Variants in CHERP observed in about 807,000 individuals in gnomAD.
CHERP encodes ERPROT 213-21.
In CHERP, 8 loss-of-function variants were observed where a neutral mutation model predicts 113.8. The ratio of observed to expected loss-of-function variants is 0.07; its 90% CI spans 0.04 to 0.13. CHERP has a LOEUF of 0.13. Ranked by LOEUF, CHERP falls within the 10% of genes least tolerant of loss-of-function variation. The pLI is 1.00. For synonymous variants in CHERP, 559 were observed against 524.5 expected (o/e 1.07, Z -0.90); for missense variants, 884 against 1,298.2 (o/e 0.68, Z 4.90).
At chr19:16,537,008 T>C (rs2085745470) in intron 2 of CHERP, among the ~76,000 whole-genome samples, 1 of 151,992 alleles carries the variant, frequency 6.6e-6, no homozygotes, top group Non-Finnish European at 1.5e-5. Flanking sequence ...TGAGACTCCA[T>C]CTCAAAAAAT....
At position 16,529,825 on chromosome 19, in the gene CHERP, T is replaced by C; in HGVS notation, c.952A>G (p.Lys318Glu). 3.1e-6 allele frequency: 5 copies of C among 1,613,692 alleles called. No homozygotes were observed. Among genetic ancestry groups the C allele is most frequent in the Non-Finnish European group, 4.2e-6 (5 of 1,179,962 alleles). ...LAFQQQIQTLKTQHEEFVTSL... is the reference protein window; with the variant it reads ...LAFQQQIQTLETQHEEFVTSL... ...GTGACAAACTCCTCGTGCTGCGTCT[T>C]GAGGGTCTGGATCTGCTGCTGGAAG... is the stretch of plus-strand genomic sequence containing the variant. The change falls in exon 8 of 17, where the codon AAG becomes GAG. Residue 318 changes from lysine to glutamate, a missense_variant. By Grantham distance (56) the Lys-to-Glu change is moderately conservative. This residue lies in a region of CHERP where 464 missense variants were observed against 590.1 expected (regional missense o/e 0.79). Coordinates refer to ENST00000546361, the MANE Select transcript of CHERP (RefSeq NM_006387.6).
In CHERP at chr19:16,519,151, A is replaced by T. The variant is rs753404597; in HGVS notation, c.*8T>A. 1.2e-6 allele frequency: 2 copies of T among 1,610,444 alleles called. No homozygotes were observed. The highest frequency in any genetic ancestry group is 1.7e-6 in the Non-Finnish European group (2 of 1,178,954). ...GCTGGCCACCGGCGCGGCTCCCGGC[A>T]TGGGCGCCTACTTACACTCGTCCCT... On this transcript the variant is annotated 3_prime_UTR_variant, in exon 17 of 17. Coordinates refer to ENST00000546361, the MANE Select transcript of CHERP (RefSeq NM_006387.6). This position sits in a 1 kb window ranked among gnomAD's most constrained non-coding sequence, Gnocchi z 6.0.
intron 2 of CHERP, 84 bp downstream of exon 2, chr19:16,541,786 G>C (rs369096116): frequency 2.5e-5 from 35 of 1,403,516 alleles, no homozygotes; most frequent in Middle Eastern, 5.2e-4. Context: ...CGACCCGAAA[G>C]AAAGAGGTTT....
At position 16,534,176 on chromosome 19, in the gene CHERP, G is replaced by A. The variant is rs980297866; in HGVS notation, c.385-1028C>T. Among the ~76,000 whole-genome samples the A allele has an allele frequency of 5.3e-5, 8 of 151,222 alleles. 1 individual carries two copies. The highest frequency in any genetic ancestry group is 1.2e-4 in the Non-Finnish European group (8 of 67,942). On this transcript the variant is annotated intron_variant, in intron 3 of 16. Coordinates refer to ENST00000546361, the MANE Select transcript of CHERP (RefSeq NM_006387.6). Reference sequence around the variant, plus strand: ...TCAAGCAATTCTGCCTCAGTCTCCCGCGTAGCTGGGACTACAGACACCTGT... The same window carrying A: ...TCAAGCAATTCTGCCTCAGTCTCCCACGTAGCTGGGACTACAGACACCTGT...
chr19:16,541,564 T>C, intron 2 of CHERP: 1 of 298,070 alleles, frequency 3.4e-6, no homozygotes, highest in Non-Finnish European at 6.2e-6. Context: ...ACTTCCTCCC[T>C]AGAAAACACT....
At chr19:16,542,097 G>T in intron 1 of CHERP, 54 bp from the exon 2 acceptor site, 20 of 1,544,396 alleles carry the variant, frequency 1.3e-5, no homozygotes, top group Non-Finnish European at 1.7e-5. Flanking sequence ...GCCCAAAGCC[G>T]GGGGACTCGG....
chr19:16,529,546 A>G (rs976975420), intron 8 of CHERP, 102 bp downstream of exon 8: 2 of 1,403,024 alleles, frequency 1.4e-6, no homozygotes, highest in Non-Finnish European at 1.9e-6. Context: ...CGAGGGAACA[A>G]GAACTGAGTC....
chr19:16,536,169 G>A (rs948181086), intron 2 of CHERP, among the ~76,000 whole-genome samples: 1 of 152,226 alleles, frequency 6.6e-6, no homozygotes, highest in African/African-American at 2.4e-5. Flanking sequence ...CACCTGCCTT[G>A]TCCTTCTACT....
chr19:16,535,691 TC>T lies in CHERP; in HGVS notation c.200-56del. 7.0e-7 allele frequency: 1 copy of T among 1,423,194 alleles called. No homozygotes were observed. 88.2% of individuals were successfully genotyped at this position (1,423,194 alleles called of 1,614,324 possible). On this transcript the variant is annotated intron_variant, in intron 2 of 16. Coordinates refer to ENST00000546361, the MANE Select transcript of CHERP (RefSeq NM_006387.6). This position sits in a 1 kb window ranked among gnomAD's most constrained non-coding sequence, Gnocchi z 4.3. ...GAGAATGCAGATGGGGGTCTAGGTGTCCCCTTGGCCACCTCTCAGCCACAGG... is the reference window on the plus strand; with the variant it reads ...GAGAATGCAGATGGGGGTCTAGGTGTCCCTTGGCCACCTCTCAGCCACAGG...
rs776852297 is a variant in CHERP, at chr19:16,542,389, G to A, written c.-11C>T. Reference sequence around the variant, plus strand: ...CAGCGGCATCTCCATGGCTCCGGCCGCGGGGAACGTCCTCCGGCGCCACAC... The same window carrying A: ...CAGCGGCATCTCCATGGCTCCGGCCACGGGGAACGTCCTCCGGCGCCACAC... On this transcript the variant is annotated 5_prime_UTR_variant, in exon 1 of 17. Transcript: ENST00000546361. 7.3e-7 allele frequency: 1 copy of A among 1,361,656 alleles called. No individual in the cohort carries two copies. Among genetic ancestry groups the A allele is most frequent in the Non-Finnish European group, 9.5e-7 (1 of 1,049,592 alleles). The allele number at this position is 1,361,656 out of a possible 1,614,324, so 84.3% of individuals were successfully genotyped here.
At position 16,520,018 on chromosome 19, in the gene CHERP, G is replaced by A; in HGVS notation, c.2462+131C>T. The A allele has an allele frequency of 4.2e-6, 4 of 946,840 alleles. No homozygotes were observed. The South Asian group carries it at 6.1e-5, about 14-fold the overall frequency. The allele number at this position is 946,840 out of a possible 1,614,324, so 58.7% of individuals were successfully genotyped here. Reference sequence around the variant, plus strand: ...GTGGCTACTGTGGTGAAGGGTGAGGGGTGCCACTGTCCCCGGGCTAATGCT... The same window carrying A: ...GTGGCTACTGTGGTGAAGGGTGAGGAGTGCCACTGTCCCCGGGCTAATGCT... On this transcript the variant is annotated intron_variant, in intron 15 of 16. Coordinates refer to ENST00000546361, the MANE Select transcript of CHERP (RefSeq NM_006387.6). This position sits in a 1 kb window ranked among gnomAD's most constrained non-coding sequence, Gnocchi z 4.0.
In CHERP at chr19:16,519,153, G is replaced by A; in HGVS notation, c.*6C>T. 1 of 1,610,626 alleles carries A rather than the reference G, an allele frequency of 6.2e-7. No homozygotes were observed. On this transcript the variant is annotated 3_prime_UTR_variant, in exon 17 of 17. Transcript: ENST00000546361. This position sits in a 1 kb window ranked among gnomAD's most constrained non-coding sequence, Gnocchi z 6.0. ...TGGCCACCGGCGCGGCTCCCGGCAT[G>A]GGCGCCTACTTACACTCGTCCCTGG...
At position 16,519,223 on chromosome 19, in the gene CHERP, T is replaced by G. The variant is rs1412548213; in HGVS notation, c.2687A>C (p.Asn896Thr). 3 of 1,613,900 alleles carry G rather than the reference T, an allele frequency of 1.9e-6. No individual in the cohort carries two copies. Among genetic ancestry groups the G allele is most frequent in the Non-Finnish European group, 1.7e-6 (2 of 1,180,030 alleles). Residue 896 changes from asparagine (N) to threonine (T), a missense_variant, in exon 17 of 17, where the codon AAC (asparagine) becomes ACC (threonine). Asn to Thr is a moderately conservative substitution (Grantham distance 65). Around this residue, in one of 8 missense-constraint regions of CHERP, gnomAD observed 42 missense variants for 105.1 expected, o/e 0.40. Transcript: ENST00000546361. This position sits in a 1 kb window ranked among gnomAD's most constrained non-coding sequence, Gnocchi z 6.0. Reference protein sequence around the residue: ...VGVALDDPYENYRRNKSYSFI... With the variant: ...VGVALDDPYETYRRNKSYSFI... ...GGAGTAGCTCTTGTTCCTGCGGTAG[T>G]TCTCATAGGGGTCATCCAGAGCCAC...
At position 16,519,540 on chromosome 19, in the gene CHERP, G is replaced by T; in HGVS notation, c.2557+81C>A. On this transcript the variant is annotated intron_variant, in intron 16 of 16. Coordinates refer to ENST00000546361, the MANE Select transcript of CHERP (RefSeq NM_006387.6). The surrounding 1 kb of genome is among the most constrained non-coding windows in gnomAD (Gnocchi z 6.0). ...GACTCCATCCATCCCCACATGCACT[G>T]AGGAAGAGAAAGCGCTGGTGACTCC... 1 of 1,367,714 alleles carries T rather than the reference G, an allele frequency of 7.3e-7. No homozygotes were observed. The highest frequency in any genetic ancestry group is 1.0e-6 in the Non-Finnish European group (1 of 959,422). 84.7% of individuals were successfully genotyped at this position (1,367,714 alleles called of 1,614,324 possible).
In CHERP at chr19:16,519,280, C is replaced by T. The variant is rs1568502924; in HGVS notation, c.2630G>A (p.Arg877Gln). ...GCCTTTATACTGGTCCCACTTATCC[C>T]GGACGTCCCCGCCCTTGATGGGGTC... ...IQDPIKGGDV[R>Q]DKWDQYKGVG... Residue 877 changes from arginine (R) to glutamine (Q), a missense_variant, in exon 17 of 17, where the codon CGG becomes CAG. Physicochemically the swap from Arg to Gln is conservative, Grantham distance 43. Around this residue, in one of 8 missense-constraint regions of CHERP, gnomAD observed 42 missense variants for 105.1 expected, o/e 0.40. Coordinates refer to ENST00000546361, the MANE Select transcript of CHERP (RefSeq NM_006387.6). This position sits in a 1 kb window ranked among gnomAD's most constrained non-coding sequence, Gnocchi z 6.0. 3 of 1,614,046 alleles carry T rather than the reference C, an allele frequency of 1.9e-6. No homozygotes were observed. The highest frequency in any genetic ancestry group is 2.2e-5 in the East Asian group (1 of 44,880).
Position 16,532,982 on chromosome 19 carries a change from C to T in CHERP, c.522+29G>A. 6.4e-7 allele frequency: 1 copy of T among 1,558,122 alleles called. No individual in the cohort carries two copies. The highest frequency in any genetic ancestry group is 1.2e-5 in the South Asian group (1 of 84,788). On this transcript the variant is annotated intron_variant, in intron 4 of 16. Transcript: ENST00000546361. This position sits in a 1 kb window ranked among gnomAD's most constrained non-coding sequence, Gnocchi z 4.4. ...GCCTCAGGGAGGGACCAAGGGAAAGCTGGGCTCTGGGAAGTGCTGGCCCCT... is the reference window on the plus strand; with the variant it reads ...GCCTCAGGGAGGGACCAAGGGAAAGTTGGGCTCTGGGAAGTGCTGGCCCCT...
At chr19:16,534,053 TTTTC>T (rs1354109409) in intron 3 of CHERP, among the ~76,000 whole-genome samples, 11 of 118,900 alleles carry the variant, frequency 9.3e-5, no homozygotes, top group African/African-American at 3.0e-4. Flanking sequence ...CTTTCTTTTC[TTTTC>T]TTTTTTTTTT....
intron 11 of CHERP, among the ~76,000 whole-genome samples, chr19:16,521,911 G>T (rs1367208909): frequency 6.6e-6 from 1 of 152,220 alleles, no homozygotes; most frequent in Non-Finnish European, 1.5e-5. Context: ...ACCCACAGGG[G>T]ACATGGTCTC....
rs375137581 is a variant in CHERP, at chr19:16,521,695, G to A, written c.1981-41C>T. The A allele has an allele frequency of 4.7e-6, 7 of 1,505,326 alleles. No homozygotes were observed. The African/African-American group carries it at 8.4e-5, about 18-fold the overall frequency. 93.2% of individuals were successfully genotyped at this position (1,505,326 alleles called of 1,614,324 possible). ...CCAGCTGTCACCATGCCTGGGCAGA[G>A]CCCTCTCAGGCCCACCCAGGGTCTG... is the stretch of plus-strand genomic sequence containing the variant. On this transcript the variant is annotated intron_variant, in intron 11 of 16. Transcript: ENST00000546361.
Sources: gnomAD v4.1 joint callset for allele counts (sites outside exome capture counted in the v4.1 genomes callset) on GRCh38, gnomAD v4.1.1 for gene constraint, gnomAD v4.1.1 regional missense constraint, Gnocchi (gnomAD v3.1) non-coding constraint, MANE v1.5 for transcripts, NCBI Gene and HGNC (gene_info 2026-07-23, HGNC 2026-07-21) for gene names.